The following TMEM255B variants were observed in gnomAD, a reference collection of about 807,000 sequenced individuals.
TMEM255B encodes the protein family with sequence similarity 70, member B.
Under a neutral mutation model 34.5 loss-of-function variants are expected in TMEM255B, and 35 were observed. The ratio of observed to expected loss-of-function variants is 1.01; its 90% confidence interval spans 0.77 to 1.34. The LOEUF is 1.34. Ranked by LOEUF, TMEM255B falls within the 40% of genes most tolerant of loss-of-function variation. The pLI is 0.00. For synonymous variants in TMEM255B, 206 were observed against 201.2 expected, an observed-to-expected ratio of 1.02 and a Z score of -0.20; for missense variants, 432 against 433.2, an observed-to-expected ratio of 1.00 and a Z score of 0.02.
At chr13:113,784,572 GGAGAAGGAGGAGAAGGA>G (rs1225355869) in intron 3 of TMEM255B, among the ~76,000 whole-genome samples, 1 of 152,060 alleles carries the variant, frequency 6.6e-6, no homozygotes, top group African/African-American at 2.4e-5. Flanking sequence ...GAAGGGAGGA[GGAGAAGGAGGAGAAGGA>G]GAGAAGGGTT....
intron 3 of TMEM255B, among the ~76,000 whole-genome samples, chr13:113,775,228 A>G (rs542382702): frequency 1.3e-5 from 2 of 152,110 alleles, no homozygotes; most frequent in South Asian, 2.1e-4. Context: ...CACACCACAC[A>G]TACTATACAC....
intron 6 of TMEM255B, 82 bp from the exon 7 acceptor site, chr13:113,801,571 G>C (rs1566741634): frequency 3.4e-6 from 5 of 1,465,318 alleles, no homozygotes; most frequent in Non-Finnish European, 3.6e-6. Flanking sequence ...GCCCTGCAGG[G>C]CTCAGGTCCA....
At chr13:113,784,218 C>T (rs546414450) in intron 3 of TMEM255B, among the ~76,000 whole-genome samples, 32 of 151,844 alleles carry the variant, frequency 2.1e-4, no homozygotes, top group Admixed American at 5.2e-4. Context: ...AAGAGGAGGC[C>T]GAGGGTGTCT....
chr13:113,778,845 C>T (rs951301779), intron 3 of TMEM255B, among the ~76,000 whole-genome samples: 1 of 152,210 alleles, frequency 6.6e-6, no homozygotes, highest in East Asian at 1.9e-4. Flanking sequence ...GAGAAACTGA[C>T]CCGTAGAGAA....
intron 3 of TMEM255B, among the ~76,000 whole-genome samples, chr13:113,782,682 G>GA (rs1296120414): frequency 1.3e-5 from 2 of 151,492 alleles, no homozygotes; most frequent in Middle Eastern, 3.2e-3. Context: ...CGGAGGGGGG[G>GA]GCTTCATTAT....
chr13:113,778,008 A>T (rs1364705359), intron 3 of TMEM255B, among the ~76,000 whole-genome samples: 1 of 152,200 alleles, frequency 6.6e-6, no homozygotes, highest in African/African-American at 2.4e-5. Context: ...AGGAGCCCAC[A>T]GCTGCCTGTG....
Position 113,803,656 on chromosome 13 carries a change from G to A in TMEM255B, c.670-1229G>A, listed in dbSNP as rs375713086. On this transcript the variant is annotated intron_variant, in intron 7 of 8. Coordinates refer to ENST00000375353, the MANE Select transcript of TMEM255B (RefSeq NM_182614.4). ...TGCAAATCTCCTGCCCCTCCCTCAC[G>A]GAGCACGACCCTCCATGCCCATCCA... Among the ~76,000 whole-genome samples the A allele has an allele frequency of 6.4e-4, 76 of 118,226 alleles. 9 individuals carry two copies. The highest frequency in any genetic ancestry group is 1.8e-3 in the African/African-American group (63 of 34,428). The allele number at this position is 118,226 out of a possible 152,430, so 77.6% of individuals were successfully genotyped here.
In TMEM255B at chr13:113,796,068, G is replaced by A. The variant is rs1464020881; in HGVS notation, c.342+831G>A. 2.7e-5 allele frequency among the ~76,000 whole-genome samples: 3 copies of A among 110,050 alleles called. No homozygotes were observed. In the South Asian group the frequency reaches 9.5e-4, roughly 35 times the overall value. The allele number at this position is 110,050 out of a possible 152,430, so 72.2% of individuals were successfully genotyped here. A position where few individuals can be genotyped will look rare whatever the true frequency, so the allele number is the denominator to read the frequency against. On this transcript the variant is annotated intron_variant, in intron 4 of 8. Coordinates refer to ENST00000375353, the MANE Select transcript of TMEM255B (RefSeq NM_182614.4). Reference sequence around the variant, plus strand: ...CAGCACACAACACACAGAGCACACAGCACACACACAACAGAGCACACAGCA... The same window carrying A: ...CAGCACACAACACACAGAGCACACAACACACACACAACAGAGCACACAGCA...
Position 113,811,666 on chromosome 13 carries a change from T to G in TMEM255B, c.814-70T>G, listed in dbSNP as rs1182044117. 9 of 1,580,942 alleles carry G rather than the reference T, an allele frequency of 5.7e-6. No individual in the cohort carries two copies. In the African/African-American group the frequency reaches 9.4e-5, roughly 17 times the overall value. ...AGCGTGTGAGTGGCCCTGGTATATG[T>G]CAGGCTTCCCTGTGGTCCGGCACGG... On this transcript the variant is annotated intron_variant, in intron 8 of 8. Transcript: ENST00000375353.
intron 1 of TMEM255B, 81 bp from the exon 2 acceptor site, chr13:113,766,034 G>T: frequency 6.3e-7 from 1 of 1,577,420 alleles, no homozygotes; most frequent in East Asian, 2.2e-5. Context: ...CTGGGTAACG[G>T]AGCACGGCCC....
At chr13:113,762,534 G>A (rs573455822) in intron 1 of TMEM255B, among the ~76,000 whole-genome samples, 6 of 152,238 alleles carry the variant, frequency 3.9e-5, no homozygotes, top group Admixed American at 2.6e-4. Context: ...AGGAAAGAGG[G>A]GTAAACATAG....
intron 7 of TMEM255B, among the ~76,000 whole-genome samples, chr13:113,804,190 C>G (rs921549636): frequency 6.6e-6 from 1 of 152,224 alleles, no homozygotes; most frequent in African/African-American, 2.4e-5. Flanking sequence ...GGGATGAGGC[C>G]GGCCGGGGCC....
chr13:113,807,319 A>G (rs1244783195), intron 8 of TMEM255B, among the ~76,000 whole-genome samples: 1 of 149,704 alleles, frequency 6.7e-6, no homozygotes, highest in Non-Finnish European at 1.5e-5. Flanking sequence ...TCCCTGTCAC[A>G]CGCAGGCTTA....
Position 113,765,266 on chromosome 13 carries a change from A to G in TMEM255B, c.47-849A>G, listed in dbSNP as rs537927965. Among the ~76,000 whole-genome samples the G allele has an allele frequency of 3.3e-5, 5 of 152,224 alleles. No homozygotes were observed. In the South Asian group the frequency reaches 1.0e-3, roughly 31 times the overall value. On this transcript the variant is annotated intron_variant, in intron 1 of 8. Coordinates refer to ENST00000375353, the MANE Select transcript of TMEM255B (RefSeq NM_182614.4). Reference sequence around the variant, plus strand: ...ATCAGCAGAGCAATTCTGCATCTGCACATTGATTTATAGTTTTGTGAAACT... The same window carrying G: ...ATCAGCAGAGCAATTCTGCATCTGCGCATTGATTTATAGTTTTGTGAAACT...
rs373987904 is a variant in TMEM255B, at chr13:113,795,182, T to C, written c.287T>C (p.Val96Ala). 3 of 1,614,012 alleles carry C rather than the reference T, an allele frequency of 1.9e-6. No homozygotes were observed. The highest frequency in any genetic ancestry group is 2.2e-5 in the South Asian group (2 of 91,086). Reference protein sequence around the residue: ...VAAIVFISFGVVAAFCCAIVD... With the variant: ...VAAIVFISFGAVAAFCCAIVD... ...GCGATCGTGTTTATCAGTTTTGGCGTGGTGGCCGCCTTCTGCTGCGCCATC... is the reference window on the plus strand; with the variant it reads ...GCGATCGTGTTTATCAGTTTTGGCGCGGTGGCCGCCTTCTGCTGCGCCATC... Residue 96 changes from valine to alanine, a missense_variant, in exon 4 of 9, where the codon GTG becomes GCG. Val to Ala is a moderately conservative substitution (Grantham distance 64). Transcript: ENST00000375353.
chr13:113,789,794 GTACATA>G (rs2050797417), intron 3 of TMEM255B, among the ~76,000 whole-genome samples: 1 of 151,664 alleles, frequency 6.6e-6, no homozygotes, highest in Non-Finnish European at 1.5e-5. Flanking sequence ...GACTGACCGT[GTACATA>G]GACATCCTAA....
At chr13:113,768,972 A>T in intron 2 of TMEM255B, 126 bp from the exon 3 acceptor site, 1 of 985,338 alleles carries the variant, frequency 1.0e-6, no homozygotes, top group Non-Finnish European at 1.6e-6. Context: ...TTCTTGAGGT[A>T]GGGATGTCTG....
At chr13:113,796,476 GCACACAC>G (rs1188348038) in intron 4 of TMEM255B, among the ~76,000 whole-genome samples, 1 of 111,534 alleles carries the variant, frequency 9.0e-6, no homozygotes, top group African/African-American at 3.5e-5. Flanking sequence ...ACCACAGAGA[GCACACAC>G]CACACACACT....
intron 1 of TMEM255B, among the ~76,000 whole-genome samples, chr13:113,765,814 A>T (rs936885176): frequency 6.6e-6 from 1 of 152,244 alleles, no homozygotes; most frequent in Non-Finnish European, 1.5e-5. Context: ...AGAAAGTCAG[A>T]TAGAGGAAGA....
Sources: gnomAD v4.1 joint callset for allele counts (sites outside exome capture counted in the v4.1 genomes callset) on GRCh38, gnomAD v4.1.1 for gene constraint, MANE v1.5 for transcripts, NCBI Gene and HGNC (gene_info 2026-07-23, HGNC 2026-07-21) for gene names.